Variants in DLC1 observed in about 807,000 individuals in gnomAD.
The protein encoded by DLC1 is rho GTPase-activating protein 7.
In DLC1, 54 loss-of-function variants were observed where a neutral mutation model predicts 140.3. The ratio of observed to expected loss-of-function variants is 0.38; its 90% CI spans 0.31 to 0.48. The LOEUF is 0.48. Ranked by LOEUF, DLC1 falls within the 20% of genes least tolerant of loss-of-function variation. The pLI is 0.96. For synonymous variants in DLC1, 986 were observed against 728.1 expected (o/e 1.35, Z -5.70); for missense variants, 2,536 against 1,907.0 (o/e 1.33, Z -6.14).
At chr8:13,539,658 C>G (rs892005640) in intron 1 of DLC1, among the ~76,000 whole-genome samples, 1 of 151,970 alleles carries the variant, frequency 6.6e-6, no homozygotes. Flanking sequence ...GAAAGTGTTT[C>G]TGGTTAAGAT....
chr8:13,435,684 T>A (rs372378214), intron 2 of DLC1, among the ~76,000 whole-genome samples: 120 of 152,362 alleles, frequency 7.9e-4, no homozygotes, highest in African/African-American at 2.8e-3. Flanking sequence ...ATGAAGATAC[T>A]GTGCACATTG....
chr8:13,186,991 A>C (rs1304293425), intron 5 of DLC1, among the ~76,000 whole-genome samples: 1 of 152,198 alleles, frequency 6.6e-6, no homozygotes, highest in African/African-American at 2.4e-5. Context: ...AGGCTACAGA[A>C]GAGCAAATAT....
chr8:13,291,118 A>G (rs1831741444), intron 5 of DLC1, among the ~76,000 whole-genome samples: 2 of 152,154 alleles, frequency 1.3e-5, no homozygotes, highest in South Asian at 4.1e-4. Context: ...CATGTGGGCC[A>G]GGCTGGTCTT....
intron 5 of DLC1, among the ~76,000 whole-genome samples, chr8:13,164,846 A>G (rs986596216): frequency 1.3e-5 from 2 of 152,220 alleles, no homozygotes; most frequent in African/African-American, 4.8e-5. Flanking sequence ...CTTAAACTAT[A>G]TTAGTGAAAA....
intron 1 of DLC1, chr8:13,567,655 C>T (rs1411581908): frequency 6.4e-7 from 1 of 1,551,804 alleles, no homozygotes; most frequent in Non-Finnish European, 8.7e-7. Context: ...GAAGACTTTA[C>T]TGGAGTCATT....
At chr8:13,111,733 C>T (rs1194999282) in intron 6 of DLC1, among the ~76,000 whole-genome samples, 1 of 151,910 alleles carries the variant, frequency 6.6e-6, no homozygotes, top group African/African-American at 2.4e-5. Flanking sequence ...TGGGCCTCCT[C>T]AGTAGAGTGC....
rs1406979084 is a variant in DLC1 at position 13,150,234 on chromosome 8, CT to C, written c.1349-34578del. ...TCACATTACATCTATTTGTAATGCC[CT>C]TTTTTTATAAGAAAAAAGTTTAATG... On this transcript the variant is annotated intron_variant, in intron 5 of 17. Coordinates refer to ENST00000276297, the MANE Select transcript of DLC1 (RefSeq NM_182643.3). 3.9e-5 allele frequency among the ~76,000 whole-genome samples: 6 copies of C among 152,240 alleles called. No homozygotes were observed. The East Asian group carries it at 7.7e-4, about 20-fold the overall frequency.
intron 4 of DLC1, among the ~76,000 whole-genome samples, chr8:13,314,862 A>G (rs1362507652): frequency 1.3e-5 from 2 of 152,230 alleles, no homozygotes; most frequent in South Asian, 2.1e-4. Context: ...GGAGCCCAGA[A>G]ACACTTTTAT....
chr8:13,490,960 T>A (rs1012934094), intron 2 of DLC1, among the ~76,000 whole-genome samples: 3 of 144,996 alleles, frequency 2.1e-5, no homozygotes, highest in African/African-American at 7.6e-5. Context: ...TTAATTACCC[T>A]CATTCAGAAT....
intron 5 of DLC1, among the ~76,000 whole-genome samples, chr8:13,235,917 T>C (rs1050377527): frequency 2.0e-5 from 3 of 151,948 alleles, no homozygotes; most frequent in Non-Finnish European, 4.4e-5. Context: ...ACTAGAGCTT[T>C]TGCTACTTAT....
At chr8:13,520,364 A>G (rs972701642) in intron 1 of DLC1, among the ~76,000 whole-genome samples, 6 of 152,150 alleles carry the variant, frequency 3.9e-5, no homozygotes, top group African/African-American at 1.2e-4. Context: ...TCAGCAAAGT[A>G]TCACAAGATC....
At chr8:13,272,779 C>T (rs950722405) in intron 5 of DLC1, among the ~76,000 whole-genome samples, 2 of 152,118 alleles carry the variant, frequency 1.3e-5, no homozygotes, top group East Asian at 3.9e-4. Context: ...GAGGCTGAGG[C>T]AAGAGAATGG....
intron 1 of DLC1, among the ~76,000 whole-genome samples, chr8:13,551,075 C>CACACTT (rs71207163): frequency 0.036 from 4,382 of 121,594 alleles, 130 homozygotes; most frequent in African/African-American, 0.072. Context: ...CACACACACA[C>CACACTT]TTTTTTTTTT....
intron 4 of DLC1, among the ~76,000 whole-genome samples, chr8:13,330,623 T>C (rs1469744565): frequency 2.0e-5 from 3 of 152,210 alleles, no homozygotes; most frequent in Admixed American, 6.5e-5. Context: ...AGGGCCTTCC[T>C]ATCATGAAGC....
chr8:13,390,980 G>A (rs6993818), intron 4 of DLC1, among the ~76,000 whole-genome samples: 27,418 of 103,700 alleles, frequency 0.26, 3,002 homozygotes, highest in Admixed American at 0.34. Flanking sequence ...GCGAGACTCC[G>A]TCTCAAAAAA....
rs1156600965 is a variant in DLC1, at chr8:13,473,770, C to T, written c.1023+25279G>A. On this transcript the variant is annotated intron_variant, in intron 2 of 17. Transcript: ENST00000276297. The stretch of plus-strand genomic sequence containing the variant: ...AGCAAAGAGACTGGTAGCATTTTTC[C>T]CCTTCGCTAGAGATTTTTGGAACTT... Among the ~76,000 whole-genome samples, 3 of 152,136 alleles carry T rather than the reference C, an allele frequency of 2.0e-5. No individual in the cohort carries two copies. The East Asian group carries it at 5.8e-4, about 29-fold the overall frequency.
chr8:13,369,330 C>T (rs948087716), intron 4 of DLC1, among the ~76,000 whole-genome samples: 2 of 138,210 alleles, frequency 1.4e-5, no homozygotes, highest in Non-Finnish European at 3.0e-5. Flanking sequence ...CATAGTCTCG[C>T]ACGTCCAGTA....
chr8:13,086,209 A>G (rs959279351), intron 17 of DLC1, 81 bp downstream of exon 17: 1 of 1,521,684 alleles, frequency 6.6e-7, no homozygotes, highest in African/African-American at 1.4e-5. Flanking sequence ...GTGTTTGTTT[A>G]AGGCATTCTT....
intron 5 of DLC1, among the ~76,000 whole-genome samples, chr8:13,219,141 T>A (rs1450340997): frequency 2.7e-5 from 3 of 113,034 alleles, no homozygotes; most frequent in African/African-American, 1.1e-4. Flanking sequence ...TATATGTGAA[T>A]ATAATTATAT....
Sources: gnomAD v4.1 joint callset for allele counts (sites outside exome capture counted in the v4.1 genomes callset) on GRCh38, gnomAD v4.1.1 for gene constraint, MANE v1.5 for transcripts, NCBI Gene and HGNC (gene_info 2026-07-23, HGNC 2026-07-21) for gene names.